THSD4: variants seen among roughly 807,000 people sequenced by gnomAD.
The protein encoded by THSD4 is thrombospondin type 1 domain containing 4.
THSD4 carries 69 observed loss-of-function variants against 119.0 expected under a neutral mutation model. The ratio of observed to expected loss-of-function variants is 0.58; its 90% CI spans 0.48 to 0.71. The LOEUF (loss-of-function observed/expected upper bound fraction) is 0.71, where lower values mean the gene tolerates loss of function less well. Among genes scored for constraint, THSD4 ranks in the 30% least tolerant of loss-of-function variants. The pLI is 0.00. For missense variants in THSD4, 1,393 were observed against 1,391.1 expected (o/e 1.00, Z -0.02); for synonymous variants, 524 against 540.4 (o/e 0.97, Z 0.42).
intron 10 of THSD4, among the ~76,000 whole-genome samples, chr15:71,734,911 T>C (rs1209502133): frequency 1.3e-5 from 2 of 152,114 alleles, no homozygotes; most frequent in Non-Finnish European, 2.9e-5. Flanking sequence ...CCTAGCCCTT[T>C]TCTATGCATA....
chr15:71,638,655 TGAAA>T (rs2050797170), intron 7 of THSD4, among the ~76,000 whole-genome samples: 2 of 152,330 alleles, frequency 1.3e-5, no homozygotes, highest in Admixed American at 6.5e-5. Flanking sequence ...TTCAGGCATT[TGAAA>T]GAAAGAATTC....
At chr15:71,537,819 A>T (rs1399661479) in intron 7 of THSD4, among the ~76,000 whole-genome samples, 1 of 152,044 alleles carries the variant, frequency 6.6e-6, no homozygotes, top group African/African-American at 2.4e-5. Context: ...GAGTGCAATC[A>T]CAATCACGTG....
intron 7 of THSD4, among the ~76,000 whole-genome samples, chr15:71,606,950 A>G (rs1181333994): frequency 1.3e-5 from 2 of 152,220 alleles, no homozygotes; most frequent in Non-Finnish European, 2.9e-5. Flanking sequence ...TTAGGGATGC[A>G]TGAGTGGAAT....
rs548358295 is a variant in THSD4 at position 71,537,918 on chromosome 15, A to G, written c.1153-122612A>G. 1.5e-3 allele frequency among the ~76,000 whole-genome samples: 225 copies of G among 152,026 alleles called. 1 individual carries two copies. The highest frequency in any genetic ancestry group is 5.3e-3 in the African/African-American group (221 of 41,466). On this transcript the variant is annotated intron_variant, in intron 7 of 17. Coordinates refer to ENST00000261862, the MANE Select transcript of THSD4 (RefSeq NM_024817.3). Reference sequence around the variant, plus strand: ...GCTGGGTTTACAGGTACATGCCACCATGCCCAGCTAATTTTTGTATTTTTA... The same window carrying G: ...GCTGGGTTTACAGGTACATGCCACCGTGCCCAGCTAATTTTTGTATTTTTA...
intron 6 of THSD4, among the ~76,000 whole-genome samples, chr15:71,294,563 G>A (rs1238033507): frequency 1.3e-5 from 2 of 152,038 alleles, no homozygotes; most frequent in Non-Finnish European, 2.9e-5. Context: ...CCGGACACAG[G>A]CTGCATGTCT....
At chr15:71,774,705 A>G (rs2140253433) in intron 17 of THSD4, among the ~76,000 whole-genome samples, 1 of 152,182 alleles carries the variant, frequency 6.6e-6, no homozygotes, top group East Asian at 1.9e-4. Context: ...TGAGCCCAGG[A>G]ACCCGAACTG....
chr15:71,502,214 A>C lies in THSD4; in HGVS notation c.1152+90391A>C, dbSNP rs1031375832. 3.9e-5 allele frequency among the ~76,000 whole-genome samples: 6 copies of C among 152,340 alleles called. No homozygotes were observed. The East Asian group carries it at 9.6e-4, about 24-fold the overall frequency. ...AAAGGAATGGAGTGTAATCAGGGCAAGCCCGTGCATCTAGGTATTGGATCT... is the reference window on the plus strand; with the variant it reads ...AAAGGAATGGAGTGTAATCAGGGCACGCCCGTGCATCTAGGTATTGGATCT... On this transcript the variant is annotated intron_variant, in intron 7 of 17. Coordinates refer to ENST00000261862, the MANE Select transcript of THSD4 (RefSeq NM_024817.3).
chr15:71,671,457 T>C (rs1315760767), intron 8 of THSD4, among the ~76,000 whole-genome samples: 4 of 152,236 alleles, frequency 2.6e-5, no homozygotes, highest in African/African-American at 9.6e-5. Context: ...TGATGGTAGT[T>C]TGTTTTGCTG....
chr15:71,155,228 C>T (rs954270448), intron 3 of THSD4, among the ~76,000 whole-genome samples: 1 of 152,002 alleles, frequency 6.6e-6, no homozygotes, highest in Non-Finnish European at 1.5e-5. Flanking sequence ...ACAATTATGG[C>T]GGAAGACAAA....
At chr15:71,203,406 G>A (rs2043818761) in intron 3 of THSD4, among the ~76,000 whole-genome samples, 1 of 152,168 alleles carries the variant, frequency 6.6e-6, no homozygotes, top group Non-Finnish European at 1.5e-5. Flanking sequence ...TGTAATCTCA[G>A]CACTTTGGGA....
At chr15:71,368,119 T>G (rs201863289) in intron 6 of THSD4, among the ~76,000 whole-genome samples, 29,520 of 152,020 alleles carry the variant, frequency 0.19, 3,725 homozygotes, top group East Asian at 0.54. Context: ...TCGCCCACTT[T>G]TTGATGGGGT....
intron 13 of THSD4, among the ~76,000 whole-genome samples, chr15:71,747,990 T>C (rs1188013384): frequency 2.6e-5 from 4 of 152,206 alleles, no homozygotes; most frequent in Admixed American, 1.3e-4. Context: ...TAATTTGGTA[T>C]CTTATTGCCA....
chr15:71,420,881 C>T (rs2046797743), intron 7 of THSD4, among the ~76,000 whole-genome samples: 1 of 105,256 alleles, frequency 9.5e-6, no homozygotes, highest in Admixed American at 1.2e-4. Flanking sequence ...ATCTTTTAGT[C>T]TTTCTACTTA....
At chr15:71,291,104 A>G (rs536921091) in intron 6 of THSD4, among the ~76,000 whole-genome samples, 1 of 152,162 alleles carries the variant, frequency 6.6e-6, no homozygotes, top group South Asian at 2.1e-4. Context: ...GAGCACTCCT[A>G]TATCAACCAC....
intron 6 of THSD4, among the ~76,000 whole-genome samples, chr15:71,360,590 A>G (rs1596365750): frequency 6.6e-6 from 1 of 152,262 alleles, no homozygotes; most frequent in East Asian, 1.9e-4. Flanking sequence ...TTTTGGGTTC[A>G]CTACGGTACT....
intron 7 of THSD4, among the ~76,000 whole-genome samples, chr15:71,450,288 C>T (rs2047244034): frequency 1.3e-5 from 2 of 152,176 alleles, no homozygotes; most frequent in South Asian, 4.2e-4. Context: ...GAGACTCATG[C>T]TCTGGGTGCC....
chr15:71,158,692 T>C (rs954795221), intron 3 of THSD4, among the ~76,000 whole-genome samples: 89 of 152,056 alleles, frequency 5.9e-4, no homozygotes, highest in African/African-American at 2.0e-3. Flanking sequence ...GTTCCTTACA[T>C]ATTCTGGATA....
At chr15:71,371,410 C>T (rs1318004013) in intron 6 of THSD4, among the ~76,000 whole-genome samples, 1 of 152,172 alleles carries the variant, frequency 6.6e-6, no homozygotes, top group Admixed American at 6.5e-5. Context: ...TTTGCAGTGG[C>T]TGGTGCTGGT....
chr15:71,636,929 G>C (rs1445264368), intron 7 of THSD4, among the ~76,000 whole-genome samples: 1 of 151,496 alleles, frequency 6.6e-6, no homozygotes, highest in African/African-American at 2.4e-5. Flanking sequence ...CTGTCACCCA[G>C]GCTGGAGTGC....
Sources: gnomAD v4.1 joint callset for allele counts (sites outside exome capture counted in the v4.1 genomes callset) on GRCh38, gnomAD v4.1.1 for gene constraint, MANE v1.5 for transcripts, NCBI Gene and HGNC (gene_info 2026-07-23, HGNC 2026-07-21) for gene names.